Variants in PHKB observed in about 807,000 individuals in gnomAD.
The protein encoded by PHKB is phosphorylase b kinase regulatory subunit beta.
Under a neutral mutation model 152.1 loss-of-function variants are expected in PHKB, and 122 were observed. The observed-to-expected ratio is 0.80, with a 90% confidence interval of 0.69 to 0.93. The LOEUF (loss-of-function observed/expected upper bound fraction) is 0.93, where lower values mean the gene tolerates loss of function less well. PHKB is among the 40% of genes least tolerant of loss of function. PHKB has a pLI of 0.00. For missense variants in PHKB, 1,304 were observed against 1,328.4 expected, an observed-to-expected ratio of 0.98 and a Z score of 0.29; for synonymous variants, 436 against 464.9, an observed-to-expected ratio of 0.94 and a Z score of 0.80.
chr16:47,610,073 C>T (rs1300957757), intron 13 of PHKB, among the ~76,000 whole-genome samples: 4 of 151,504 alleles, frequency 2.6e-5, no homozygotes, highest in Non-Finnish European at 5.9e-5. Flanking sequence ...GCTCACTGCA[C>T]CTTCCACCTC....
chr16:47,514,542 G>T (rs1273908229), intron 5 of PHKB, among the ~76,000 whole-genome samples: 2 of 152,136 alleles, frequency 1.3e-5, no homozygotes, highest in Non-Finnish European at 2.9e-5. Context: ...TTCCATCTGG[G>T]TGGCCCCCAG....
chr16:47,641,687 G>T lies in PHKB; in HGVS notation c.1603G>T (p.Val535Leu), dbSNP rs1302496903. The T allele has an allele frequency of 5.2e-6, 8 of 1,533,302 alleles. No homozygotes were observed. In the Admixed American group the frequency reaches 1.3e-4, roughly 26 times the overall value. The allele number at this position is 1,533,302 out of a possible 1,614,324, so 95.0% of individuals were successfully genotyped here. ...TCAGATATGGCCTCAGCAGGAGCTT[G>T]TGAAAGTAAGTGATTCTGCCTTTTA... ...PIQIWPQQEL[V>L]KAYLQLGINE... is the part of the protein sequence containing the mutation. Residue 535 changes from valine to leucine, a missense_variant, in exon 16 of 31, where the codon GTG becomes TTG. Val to Leu is a conservative substitution (Grantham distance 32, BLOSUM62 1). Coordinates refer to ENST00000323584, the MANE Select transcript of PHKB (RefSeq NM_000293.3).
chr16:47,611,837 C>T (rs1485288178), intron 14 of PHKB, among the ~76,000 whole-genome samples: 4 of 152,102 alleles, frequency 2.6e-5, no homozygotes, highest in Admixed American at 6.6e-5. Flanking sequence ...ATCTGAGAGA[C>T]TTGTAAATAA....
chr16:47,669,500 G>A, intron 26 of PHKB, 83 bp downstream of exon 26: 1 of 1,204,094 alleles, frequency 8.3e-7, no homozygotes, highest in Non-Finnish European at 1.2e-6. Context: ...GTGAAGCAAT[G>A]TTCCTGGTGT....
intron 17 of PHKB, 137 bp downstream of exon 17, chr16:47,648,753 G>T: frequency 1.4e-6 from 1 of 701,090 alleles, no homozygotes. Flanking sequence ...TTTTCTGCTA[G>T]TAAACATTAC....
At position 47,471,226 on chromosome 16, in the gene PHKB, T is replaced by C. The variant is rs147803697; in HGVS notation, c.76+9800T>C. 5.3e-5 allele frequency among the ~76,000 whole-genome samples: 8 copies of C among 152,216 alleles called. No individual in the cohort carries two copies. The East Asian group carries it at 1.2e-3, about 22-fold the overall frequency. ...CTAGGCTGAGGATCCTGGGGCTAGATAGAGCTGGGTATTTAAAGCGTACTG... is the reference window on the plus strand; with the variant it reads ...CTAGGCTGAGGATCCTGGGGCTAGACAGAGCTGGGTATTTAAAGCGTACTG... On this transcript the variant is annotated intron_variant, in intron 1 of 30. Coordinates refer to ENST00000323584, the MANE Select transcript of PHKB (RefSeq NM_000293.3).
intron 6 of PHKB, among the ~76,000 whole-genome samples, chr16:47,543,490 A>G (rs2151669845): frequency 6.6e-6 from 1 of 152,194 alleles, no homozygotes; most frequent in African/African-American, 2.4e-5. Context: ...GCCAGGCTTT[A>G]GTATCAGGAT....
rs142889872 is a variant in PHKB at position 47,560,664 on chromosome 16, G to C, written c.710+13116G>C. Among the ~76,000 whole-genome samples the C allele has an allele frequency of 1.6e-4, 25 of 152,284 alleles. No individual in the cohort carries two copies. In the East Asian group the frequency reaches 4.8e-3, roughly 29 times the overall value. ...TGTGCAAAGACAATTCAGGGGGAAA[G>C]GATAGTTTTCAACAAATAGTGCTGG... On this transcript the variant is annotated intron_variant, in intron 7 of 30. Transcript: ENST00000323584.
chr16:47,559,278 G>C (rs893345741), intron 7 of PHKB, among the ~76,000 whole-genome samples: 1 of 152,084 alleles, frequency 6.6e-6, no homozygotes, highest in South Asian at 2.1e-4. Flanking sequence ...ACCGTAATTT[G>C]GTTACTATTT....
At position 47,610,868 on chromosome 16, in the gene PHKB, G is replaced by GCAATGTCCCA; in HGVS notation, c.1407_1408insAATGTCCCAC (p.Tyr470AsnfsTer12). ...CCTAAAGACATTGATCCTGTCCAGCGCTATGTCCCACTAAAGGATCAACGT... is the reference window on the plus strand; with the variant it reads ...CCTAAAGACATTGATCCTGTCCAGCGCAATGTCCCACTATGTCCCACTAAAGGATCAACGT... On this transcript the variant is annotated frameshift_variant, in exon 14 of 31. Coordinates refer to ENST00000323584, the MANE Select transcript of PHKB (RefSeq NM_000293.3). LOFTEE classifies it high-confidence loss of function. 6.2e-7 allele frequency: 1 copy of GCAATGTCCCA among 1,608,770 alleles called. No homozygotes were observed. The highest frequency in any genetic ancestry group is 8.5e-7 in the Non-Finnish European group (1 of 1,175,260).
At position 47,487,431 on chromosome 16, in the gene PHKB, T is replaced by A. The variant is rs1161468709; in HGVS notation, c.77-9968T>A. 1.0e-4 allele frequency among the ~76,000 whole-genome samples: 13 copies of A among 125,072 alleles called. 1 individual carries two copies. The South Asian group carries it at 1.8e-3, about 17-fold the overall frequency. The allele number at this position is 125,072 out of a possible 152,430, so 82.1% of individuals were successfully genotyped here. On this transcript the variant is annotated intron_variant, in intron 1 of 30. Coordinates refer to ENST00000323584, the MANE Select transcript of PHKB (RefSeq NM_000293.3). ...CAAGAGTTTATATATATATATATATTTTTTTTTTCTTTCCACCTTTTATTT... is the reference window on the plus strand; with the variant it reads ...CAAGAGTTTATATATATATATATATATTTTTTTTCTTTCCACCTTTTATTT...
chr16:47,576,362 G>GT (rs1971749659), intron 7 of PHKB, among the ~76,000 whole-genome samples: 2 of 152,258 alleles, frequency 1.3e-5, no homozygotes, highest in East Asian at 3.9e-4. Flanking sequence ...TATTAATTGG[G>GT]TTTTTATTAT....
chr16:47,576,837 T>C (rs1971757487), intron 7 of PHKB, among the ~76,000 whole-genome samples: 1 of 152,214 alleles, frequency 6.6e-6, no homozygotes, highest in South Asian at 2.1e-4. Context: ...AGCATGTCTA[T>C]ATTGTTATAT....
intron 14 of PHKB, among the ~76,000 whole-genome samples, chr16:47,638,846 C>A (rs537802552): frequency 1.3e-5 from 2 of 151,770 alleles, no homozygotes; most frequent in African/African-American, 4.8e-5. Flanking sequence ...TGTGTATATA[C>A]GTGTGTGTGT....
chr16:47,599,006 C>G (rs536171667), intron 13 of PHKB: 12 of 871,300 alleles, frequency 1.4e-5, no homozygotes, highest in Non-Finnish European at 2.2e-5. Context: ...CCCTCCCTGA[C>G]AGCGCCAACG....
chr16:47,507,113 A>G (rs1233626609), intron 4 of PHKB, among the ~76,000 whole-genome samples: 2 of 152,120 alleles, frequency 1.3e-5, no homozygotes, highest in Admixed American at 6.5e-5. Flanking sequence ...AGCTGGGGCT[A>G]CAGGCATGCA....
rs368981160 is a variant in PHKB at position 47,472,232 on chromosome 16, A to T, written c.76+10806A>T. Among the ~76,000 whole-genome samples the T allele has an allele frequency of 1.6e-4, 24 of 152,322 alleles. No individual in the cohort carries two copies. The East Asian group carries it at 4.6e-3, about 29-fold the overall frequency. On this transcript the variant is annotated intron_variant, in intron 1 of 30. Transcript: ENST00000323584. ...CACAAGGTCCTTGATTCTTTGCTTG[A>T]TTCAGGCAGAAGGATGCATTTAGAC... is the stretch of plus-strand genomic sequence containing the variant.
At chr16:47,521,577 C>T (rs1258772642) in intron 6 of PHKB, among the ~76,000 whole-genome samples, 1 of 152,028 alleles carries the variant, frequency 6.6e-6, no homozygotes, top group Non-Finnish European at 1.5e-5. Flanking sequence ...ATTGCTTGAA[C>T]CCGGGAGGCG....
At chr16:47,526,416 A>G (rs1395514731) in intron 6 of PHKB, among the ~76,000 whole-genome samples, 1 of 152,094 alleles carries the variant, frequency 6.6e-6, no homozygotes, top group Non-Finnish European at 1.5e-5. Context: ...CTAAAAAAAA[A>G]AAAAAATTAT....
Sources: gnomAD v4.1 joint callset for allele counts (sites outside exome capture counted in the v4.1 genomes callset) on GRCh38, gnomAD v4.1.1 for gene constraint, MANE v1.5 for transcripts, NCBI Gene and HGNC (gene_info 2026-07-23, HGNC 2026-07-21) for gene names.